The following ANKRD27 variants were observed in gnomAD, a reference collection of about 807,000 sequenced individuals.
ANKRD27 encodes the protein ankyrin repeat domain 27, also known as ankyrin repeat domain-containing protein 27.
In ANKRD27, 112 loss-of-function variants were observed where a neutral mutation model predicts 129.7. The ratio of observed to expected loss-of-function variants is 0.86; its 90% CI spans 0.74 to 1.01. The LOEUF (loss-of-function observed/expected upper bound fraction) is 1.01. Ranked by LOEUF, ANKRD27 falls within the 50% of genes least tolerant of loss-of-function variation. ANKRD27 has a pLI of 0.00. For missense variants in ANKRD27, 1,258 were observed against 1,300.5 expected (o/e 0.97, Z 0.50); for synonymous variants, 516 against 511.2 (o/e 1.01, Z -0.13).
chr19:32,666,639 C>CTTTTTTTTTTTTTTTTTTTTT lies in ANKRD27; in HGVS notation c.-30-7595_-30-7594insAAAAAAAAAAAAAAAAAAAAA, dbSNP rs1421941665. ...GGGCACAGAAAAGGAAATCAGATTTCTATTTTTTTTTTTTTTTTTTTTTGA... is the reference window on the plus strand; with the variant it reads ...GGGCACAGAAAAGGAAATCAGATTTCTTTTTTTTTTTTTTTTTTTTTTATTTTTTTTTTTTTTTTTTTTTGA... On this transcript the variant is annotated intron_variant, in intron 1 of 28. Coordinates refer to ENST00000306065, the MANE Select transcript of ANKRD27 (RefSeq NM_032139.3). Among the ~76,000 whole-genome samples, 3 of 112,020 alleles carry CTTTTTTTTTTTTTTTTTTTTT rather than the reference C, an allele frequency of 2.7e-5. 1 individual carries two copies. Among genetic ancestry groups the CTTTTTTTTTTTTTTTTTTTTT allele is most frequent in the Non-Finnish European group, 1.8e-5 (1 of 56,758 alleles). 73.5% of individuals were successfully genotyped at this position (112,020 alleles called of 152,430 possible).
rs377243171 is a variant in ANKRD27, at chr19:32,643,680, T to C, written c.526-49A>G. ...CAGGCCACCCTTACCAGCAAGGCCATGACGGGGGAGCCGGAGCGGGTAAGG... is the reference window on the plus strand; with the variant it reads ...CAGGCCACCCTTACCAGCAAGGCCACGACGGGGGAGCCGGAGCGGGTAAGG... On this transcript the variant is annotated intron_variant, in intron 5 of 28. Transcript: ENST00000306065. 6.9e-6 allele frequency: 11 copies of C among 1,599,706 alleles called. No individual in the cohort carries two copies. In the South Asian group the frequency reaches 7.7e-5, roughly 11 times the overall value.
At chr19:32,642,670 G>A (rs1967223917) in intron 9 of ANKRD27, among the ~76,000 whole-genome samples, 1 of 152,092 alleles carries the variant, frequency 6.6e-6, no homozygotes, top group Non-Finnish European at 1.5e-5. Flanking sequence ...TCAGGAGGCA[G>A]AGGTTGCAGT....
At chr19:32,606,151 C>CTTT (rs11325326) in intron 23 of ANKRD27, among the ~76,000 whole-genome samples, 197 bp from the exon 24 acceptor site, 1 of 125,554 alleles carries the variant, frequency 8.0e-6, no homozygotes, top group Non-Finnish European at 1.7e-5. Flanking sequence ...GTTTTTCTTT[C>CTTT]TTTTTTTTTT....
chr19:32,634,839 C>T (rs1331203926), intron 12 of ANKRD27, among the ~76,000 whole-genome samples: 2 of 152,174 alleles, frequency 1.3e-5, no homozygotes, highest in Admixed American at 6.5e-5. Context: ...CGCTTGAACC[C>T]GGGAGGTGGA....
rs574891160 is a variant in ANKRD27, at chr19:32,620,386, C to T, written c.1828-833G>A. ...CCAGCCTGGCCAACATGATGAAACC[C>T]CATCTCTAATAAAAATACAAAAAAA... On this transcript the variant is annotated intron_variant, in intron 18 of 28. Transcript: ENST00000306065. 3.3e-4 allele frequency among the ~76,000 whole-genome samples: 49 copies of T among 150,538 alleles called. 1 individual carries two copies. The South Asian group carries it at 0.01, about 31-fold the overall frequency.
In ANKRD27 at chr19:32,640,377, C is replaced by A; in HGVS notation, c.913G>T (p.Glu305Ter). The A allele has an allele frequency of 6.2e-7, 1 of 1,613,864 alleles. No individual in the cohort carries two copies. The highest frequency in any genetic ancestry group is 8.5e-7 in the Non-Finnish European group (1 of 1,179,802). Residue 305 changes from glutamate (E) to a stop codon, truncating the protein, a stop_gained, in exon 11 of 29, where the codon GAG (glutamate) becomes TAG (stop). Coordinates refer to ENST00000306065, the MANE Select transcript of ANKRD27 (RefSeq NM_032139.3). LOFTEE classifies it high-confidence loss of function. ...AGCAGATCATCAGCACACATGGTCT[C>A]CAGGTTCACTGCAAAGGGGAAACAC... ...TQSPSQRVNL[E>*]TMCADDLLSV...
intron 18 of ANKRD27, among the ~76,000 whole-genome samples, chr19:32,621,914 G>A (rs897232040): frequency 2.0e-5 from 3 of 152,252 alleles, no homozygotes; most frequent in African/African-American, 7.2e-5. Context: ...ACTGACTCAC[G>A]AGAGGGGAGC....
chr19:32,627,387 TTTATTTATTTATTTATTTATTTA>T (rs1966905567), intron 15 of ANKRD27, among the ~76,000 whole-genome samples: 1 of 59,442 alleles, frequency 1.7e-5, no homozygotes, highest in South Asian at 6.0e-4. Context: ...TATTTATTTA[TTTATTTATTTATTTATTTATTTA>T]TTTTTTGAGA....
Position 32,631,505 on chromosome 19 carries a change from A to G in ANKRD27, c.1117-11T>C, listed in dbSNP as rs995303322. 6.8e-6 allele frequency: 11 copies of G among 1,610,140 alleles called. No individual in the cohort carries two copies. The African/African-American group carries it at 1.5e-4, about 22-fold the overall frequency. On this transcript the variant is annotated splice_polypyrimidine_tract_variant and intron_variant, in intron 12 of 28. Transcript: ENST00000306065. ...AAATCCCTCAGACTCCTGCAGGGAA[A>G]AAACCAAACACACCACGAGATGTCA... is the stretch of plus-strand genomic sequence containing the variant.
At chr19:32,640,739 C>CA (rs1301132207) in intron 10 of ANKRD27, among the ~76,000 whole-genome samples, 5 of 152,128 alleles carry the variant, frequency 3.3e-5, no homozygotes, top group Non-Finnish European at 2.9e-5. Context: ...CCCACCTCTA[C>CA]AAAAAAATAT....
chr19:32,628,722 C>T lies in ANKRD27; in HGVS notation c.1337G>A (p.Gly446Glu), dbSNP rs1261539854. 3 of 1,613,886 alleles carry T rather than the reference C, an allele frequency of 1.9e-6. No individual in the cohort carries two copies. Among genetic ancestry groups the T allele is most frequent in the Non-Finnish European group, 2.5e-6 (3 of 1,179,878 alleles). Residue 446 changes from glycine to glutamate, a missense_variant and splice_region_variant, in exon 14 of 29, where the codon GGG (glycine) becomes GAG (glutamate). Transcript: ENST00000306065. ...FCDDCEKLVS[G>E]RLNDPSVVTP... is the part of the protein sequence containing the mutation. Reference sequence around the variant, plus strand: ...TGAGCCTCCACCAGCACCCTCTTACCCAGAGACGAGTTTCTCACAGTCATC... The same window carrying T: ...TGAGCCTCCACCAGCACCCTCTTACTCAGAGACGAGTTTCTCACAGTCATC...
intron 1 of ANKRD27, among the ~76,000 whole-genome samples, chr19:32,670,004 A>G (rs1599780632): frequency 3.3e-5 from 5 of 152,054 alleles, no homozygotes; most frequent in African/African-American, 1.2e-4. Flanking sequence ...ACAAAAAAAA[A>G]AAAAAGAAAG....
chr19:32,605,874 G>A lies in ANKRD27; in HGVS notation c.2454C>T (p.Cys818=). The stretch of plus-strand genomic sequence containing the variant: ...CCACAAGCTCGTGATGGCCACCGGA[G>A]CAGGCGTAAATGAGGGGCGTGTTTC... The part of the protein sequence containing the change: ...LSGNTPLIYA[C]SGGHHELVAL... Residue 818 remains cysteine (C), a synonymous_variant, in exon 24 of 29, where the codon TGC becomes TGT. Coordinates refer to ENST00000306065, the MANE Select transcript of ANKRD27 (RefSeq NM_032139.3). The A allele has an allele frequency of 6.2e-7, 1 of 1,614,108 alleles. No homozygotes were observed. The highest frequency in any genetic ancestry group is 8.5e-7 in the Non-Finnish European group (1 of 1,179,992).
chr19:32,664,617 AAAT>A (rs3042684), intron 1 of ANKRD27, among the ~76,000 whole-genome samples: 2,643 of 128,290 alleles, frequency 0.021, 41 homozygotes, highest in African/African-American at 0.039. Flanking sequence ...CTCCATCCCC[AAAT>A]AATAATAATA....
intron 22 of ANKRD27, among the ~76,000 whole-genome samples, chr19:32,611,235 C>T (rs531287889): frequency 6.0e-4 from 92 of 152,238 alleles, no homozygotes; most frequent in African/African-American, 2.1e-3. Context: ...ACAGCAGCAG[C>T]GGAGATGCAG....
chr19:32,634,110 A>G (rs1266298305), intron 12 of ANKRD27, among the ~76,000 whole-genome samples: 4 of 152,206 alleles, frequency 2.6e-5, no homozygotes, highest in Non-Finnish European at 2.9e-5. Context: ...TATAAAATCA[A>G]TAGTAAAATC....
chr19:32,644,259 G>A (rs540677875), intron 5 of ANKRD27, 66 bp downstream of exon 5: 18 of 1,538,980 alleles, frequency 1.2e-5, no homozygotes, highest in Non-Finnish European at 1.5e-5. Context: ...GGAAACTGAG[G>A]GCTCCCAGCA....
Position 32,645,656 on chromosome 19 carries a change from G to A in ANKRD27, c.370+803C>T, listed in dbSNP as rs893080117. On this transcript the variant is annotated intron_variant, in intron 4 of 28. Transcript: ENST00000306065. ...TTTATTTTTATCTTTTTTTTGAGGCGTAGTCTTACTCTGTAGCCCAGGCTG... is the reference window on the plus strand; with the variant it reads ...TTTATTTTTATCTTTTTTTTGAGGCATAGTCTTACTCTGTAGCCCAGGCTG... Among the ~76,000 whole-genome samples the A allele has an allele frequency of 6.6e-5, 10 of 150,668 alleles. No individual in the cohort carries two copies. In the East Asian group the frequency reaches 9.7e-4, roughly 15 times the overall value.
At chr19:32,626,899 C>CA in intron 15 of ANKRD27, 72 bp from the exon 16 acceptor site, 1 of 1,001,792 alleles carries the variant, frequency 1.0e-6, no homozygotes, top group Non-Finnish European at 1.5e-6. Context: ...TGTAAAACCA[C>CA]AACACTATTG....
Sources: gnomAD v4.1 joint callset for allele counts (sites outside exome capture counted in the v4.1 genomes callset) on GRCh38, gnomAD v4.1.1 for gene constraint, MANE v1.5 for transcripts, NCBI Gene and HGNC (gene_info 2026-07-23, HGNC 2026-07-21) for gene names.